SLC30A6: variants seen among roughly 807,000 people sequenced by gnomAD.
The protein encoded by SLC30A6 is zinc transporter 6.
Under a neutral mutation model 63.0 loss-of-function variants are expected in SLC30A6, and 55 were observed. The observed-to-expected ratio is 0.87, with a 90% CI of 0.70 to 1.09. SLC30A6 has a LOEUF of 1.09. Among genes scored for constraint, SLC30A6 ranks in the 50% least tolerant of loss-of-function variants. SLC30A6 has a pLI of 0.00. For missense variants in SLC30A6, 587 were observed against 549.2 expected, an observed-to-expected ratio of 1.07 and a Z score of -0.69; for synonymous variants, 224 against 186.1, an observed-to-expected ratio of 1.20 and a Z score of -1.66.
chr2:32,204,516 A>C, intron 10 of SLC30A6, 74 bp from the exon 11 acceptor site: 1 of 941,010 alleles, frequency 1.1e-6, no homozygotes, highest in Non-Finnish European at 1.6e-6. Flanking sequence ...TAGATAATTA[A>C]TGTTCAGGAG....
intron 10 of SLC30A6, 80 bp downstream of exon 10, chr2:32,197,906 G>C: frequency 6.5e-7 from 1 of 1,544,824 alleles, no homozygotes; most frequent in Non-Finnish European, 8.8e-7. Flanking sequence ...ATGGATAGTG[G>C]TCAAGCTTCT....
intron 5 of SLC30A6, among the ~76,000 whole-genome samples, chr2:32,188,117 GGATACTGACTTTCTTTTTGTTGTTTGAAC>G (rs940231238): frequency 6.6e-6 from 1 of 152,002 alleles, no homozygotes; most frequent in African/African-American, 2.4e-5. Context: ...GGCCTCTATA[GGATACTGACTTTCTTTTTGTTGTTTGAAC>G]GCTACTAACT....
At chr2:32,203,570 C>T (rs1196098717) in intron 10 of SLC30A6, 1 of 1,600,754 alleles carries the variant, frequency 6.2e-7, no homozygotes, top group Non-Finnish European at 8.6e-7. Context: ...GTGACCATGA[C>T]TCTGGAAAGC....
chr2:32,190,291 T>G lies in SLC30A6; in HGVS notation c.285-2045T>G, dbSNP rs529079569. On this transcript the variant is annotated intron_variant, in intron 5 of 13. Coordinates refer to ENST00000282587, the MANE Select transcript of SLC30A6 (RefSeq NM_017964.5). ...CTGACCAACATGGTGAAACCCCATC[T>G]CTACTAAAAATACTAAAATTAGCCA... is the stretch of plus-strand genomic sequence containing the variant. Among the ~76,000 whole-genome samples the G allele has an allele frequency of 1.3e-3, 200 of 152,112 alleles. 1 individual carries two copies. The Middle Eastern group carries it at 0.014, about 10-fold the overall frequency.
intron 13 of SLC30A6, among the ~76,000 whole-genome samples, chr2:32,212,812 G>C (rs1229919984): frequency 3.3e-5 from 5 of 150,560 alleles, no homozygotes; most frequent in Non-Finnish European, 5.9e-5. Context: ...TGGCCAGGCT[G>C]GTCTCAAACT....
At chr2:32,208,013 T>C (rs1479232209) in intron 12 of SLC30A6, among the ~76,000 whole-genome samples, 3 of 151,780 alleles carry the variant, frequency 2.0e-5, no homozygotes, top group Admixed American at 1.3e-4. Flanking sequence ...TTTGTATTTT[T>C]AGTAGAGACG....
In SLC30A6 at chr2:32,220,838, A is replaced by ATTTCATAGG; in HGVS notation, c.*131_*132insAGGTTTCAT. ...GTTAGATAATAGTAGTCTTGTTCACATTTCATGAAACCTATGAAACTATAT... is the reference window on the plus strand; with the variant it reads ...GTTAGATAATAGTAGTCTTGTTCACATTTCATAGGTTTCATGAAACCTATGAAACTATAT... On this transcript the variant is annotated 3_prime_UTR_variant, in exon 14 of 14. Coordinates refer to ENST00000282587, the MANE Select transcript of SLC30A6 (RefSeq NM_017964.5). 1.1e-6 allele frequency: 1 copy of ATTTCATAGG among 870,860 alleles called. No homozygotes were observed. The highest frequency in any genetic ancestry group is 2.6e-5 in the East Asian group (1 of 37,930). 53.9% of individuals were successfully genotyped at this position (870,860 alleles called of 1,614,324 possible).
chr2:32,171,216 T>G, intron 1 of SLC30A6, 71 bp from the exon 2 acceptor site: 1 of 1,272,750 alleles, frequency 7.9e-7, no homozygotes, highest in Non-Finnish European at 1.1e-6. Context: ...TAGGAACCAC[T>G]ATATCATATC....
intron 10 of SLC30A6, among the ~76,000 whole-genome samples, chr2:32,198,206 C>T (rs987202451): frequency 1.3e-5 from 2 of 152,194 alleles, no homozygotes; most frequent in African/African-American, 4.8e-5. Context: ...GGCTTTACAG[C>T]TGCTTTAAGC....
chr2:32,201,649 T>G, intron 10 of SLC30A6: 1 of 1,514,390 alleles, frequency 6.6e-7, no homozygotes, highest in Non-Finnish European at 9.0e-7. Context: ...GAAGCACCCT[T>G]GGAGGAGTCC....
intron 13 of SLC30A6, among the ~76,000 whole-genome samples, chr2:32,216,317 C>T (rs932884984): frequency 3.3e-5 from 5 of 152,062 alleles, no homozygotes; most frequent in Non-Finnish European, 4.4e-5. Context: ...AGGCAGATCA[C>T]CTGAGGTCAG....
intron 10 of SLC30A6, chr2:32,204,103 A>G: frequency 2.3e-6 from 1 of 439,416 alleles, no homozygotes; most frequent in South Asian, 3.6e-5. Flanking sequence ...TGTGTCTGCT[A>G]TTTGCAAATA....
intron 7 of SLC30A6, among the ~76,000 whole-genome samples, chr2:32,193,541 A>G (rs550972600): frequency 2.2e-4 from 33 of 152,342 alleles, no homozygotes; most frequent in African/African-American, 7.7e-4. Context: ...GCTGCCAACT[A>G]TATGGACCTT....
intron 2 of SLC30A6, among the ~76,000 whole-genome samples, chr2:32,173,061 A>C (rs1027434137): frequency 1.1e-4 from 16 of 152,174 alleles, no homozygotes; most frequent in Admixed American, 3.3e-4. Context: ...TGTTTCTTAC[A>C]TCATTGTTTT....
chr2:32,182,832 T>G (rs768478576), intron 4 of SLC30A6, among the ~76,000 whole-genome samples: 1 of 152,176 alleles, frequency 6.6e-6, no homozygotes, highest in Non-Finnish European at 1.5e-5. Flanking sequence ...TTAGGTTACA[T>G]GTGTCAGGTG....
At chr2:32,194,149 A>G (rs1198790408) in intron 8 of SLC30A6, among the ~76,000 whole-genome samples, 166 bp downstream of exon 8, 3 of 152,220 alleles carry the variant, frequency 2.0e-5, no homozygotes, top group Non-Finnish European at 2.9e-5. Context: ...ATTATAAAAC[A>G]AAATCTCATT....
intron 1 of SLC30A6, among the ~76,000 whole-genome samples, chr2:32,166,369 A>C (rs941417514): frequency 6.6e-6 from 1 of 152,078 alleles, no homozygotes; most frequent in African/African-American, 2.4e-5. Context: ...ACTTGGCTTT[A>C]CTAAATATTA....
chr2:32,203,548 T>C lies in SLC30A6; in HGVS notation c.666-1042T>C. 3 of 1,604,612 alleles carry C rather than the reference T, an allele frequency of 1.9e-6. No individual in the cohort carries two copies. In the South Asian group the frequency reaches 3.3e-5, roughly 18 times the overall value. On this transcript the variant is annotated intron_variant, in intron 10 of 13. Transcript: ENST00000282587. ...TTGAACCACGATCTTTGATCACCTC[T>C]GATAGGGATTTGTGACCATGACTCT...
Position 32,220,852 on chromosome 2 carries a change from A to G in SLC30A6, c.*139A>G, listed in dbSNP as rs965992039. 16 of 789,920 alleles carry G rather than the reference A, an allele frequency of 2.0e-5. No homozygotes were observed. Among genetic ancestry groups the G allele is most frequent in the Admixed American group, 3.0e-5 (1 of 32,994 alleles). 48.9% of individuals were successfully genotyped at this position (789,920 alleles called of 1,614,324 possible). A position where few individuals can be genotyped will look rare whatever the true frequency, so the allele number is the denominator to read the frequency against. The stretch of plus-strand genomic sequence containing the variant: ...GTCTTGTTCACATTTCATGAAACCT[A>G]TGAAACTATATTTTTGTAAAATGTA... On this transcript the variant is annotated 3_prime_UTR_variant, in exon 14 of 14. Transcript: ENST00000282587.
Sources: allele counts gnomAD v4.1 joint callset (sites outside exome capture counted in the v4.1 genomes callset), GRCh38; gene constraint gnomAD v4.1.1; transcripts MANE v1.5; gene names NCBI Gene and HGNC (gene_info 2026-07-23, HGNC 2026-07-21).